The following IL10RA variants were observed in gnomAD, a reference collection of about 807,000 sequenced individuals.
The protein encoded by IL10RA is interleukin-10 receptor subunit alpha.
IL10RA carries 18 observed loss-of-function variants against 29.6 expected under a neutral mutation model. The ratio of observed to expected loss-of-function variants is 0.61; its 90% CI spans 0.42 to 0.90. The LOEUF is 0.90. Ranked by LOEUF, IL10RA falls within the 40% of genes least tolerant of loss-of-function variation. The pLI is 0.00. For synonymous variants in IL10RA, 292 were observed against 294.1 expected (o/e 0.99, Z 0.07); for missense variants, 634 against 716.6 (o/e 0.88, Z 1.32).
At chr11:117,996,174 A>G (rs1419287264) in intron 6 of IL10RA, among the ~76,000 whole-genome samples, 1 of 152,166 alleles carries the variant, frequency 6.6e-6, no homozygotes, top group Non-Finnish European at 1.5e-5. Context: ...GTGTTCCACA[A>G]GAGAGAAAGA....
Position 118,000,127 on chromosome 11 carries a change from T to C in IL10RA, c.*486T>C, listed in dbSNP as rs1389730151. The stretch of plus-strand genomic sequence containing the variant: ...AGGGCCTTGCTGCTGGGGTCATTTT[T>C]AGGGGAAAAAGGAGGATATGATGGT... On this transcript the variant is annotated 3_prime_UTR_variant, in exon 7 of 7. Coordinates refer to ENST00000227752, the MANE Select transcript of IL10RA (RefSeq NM_001558.4). 1 of 454,832 alleles carries C rather than the reference T, an allele frequency of 2.2e-6. No individual in the cohort carries two copies. The highest frequency in any genetic ancestry group is 4.4e-6 in the Non-Finnish European group (1 of 227,448). The allele number at this position is 454,832 out of a possible 1,614,324, so 28.2% of individuals were successfully genotyped here.
At position 117,988,638 on chromosome 11, in the gene IL10RA, C is replaced by G. The variant is rs562335722; in HGVS notation, c.188+136C>G. 5.1e-6 allele frequency: 5 copies of G among 980,572 alleles called. No individual in the cohort carries two copies. In the East Asian group the frequency reaches 1.0e-4, roughly 20 times the overall value. 60.7% of individuals were successfully genotyped at this position (980,572 alleles called of 1,614,324 possible). On this transcript the variant is annotated intron_variant, in intron 2 of 6. Transcript: ENST00000227752. ...CCCCTAACACATAGCCAGCAGTTGACAAGTACTGACTGAGACTCCCTTGCT... is the reference window on the plus strand; with the variant it reads ...CCCCTAACACATAGCCAGCAGTTGAGAAGTACTGACTGAGACTCCCTTGCT...
At chr11:117,991,971 A>G (rs1483538809) in intron 3 of IL10RA, among the ~76,000 whole-genome samples, 2 of 152,008 alleles carry the variant, frequency 1.3e-5, no homozygotes, top group Non-Finnish European at 2.9e-5. Flanking sequence ...CTGACCTCAA[A>G]TGATCCACCC....
rs200324449 is a variant in IL10RA at position 117,988,347 on chromosome 11, C to G, written c.68-35C>G. Reference sequence around the variant, plus strand: ...ATTGGGGTCATCAATGCCTGCCCCCCCTCCCAGCTGTGGTACTGACACTCT... The same window carrying G: ...ATTGGGGTCATCAATGCCTGCCCCCGCTCCCAGCTGTGGTACTGACACTCT... On this transcript the variant is annotated intron_variant, in intron 1 of 6. Coordinates refer to ENST00000227752, the MANE Select transcript of IL10RA (RefSeq NM_001558.4). 1.0e-3 allele frequency: 1,626 copies of G among 1,613,664 alleles called. 7 individuals are homozygous for G. The highest frequency in any genetic ancestry group is 2.0e-3 in the Admixed American group (118 of 60,020).
At chr11:117,990,353 T>G (rs1222450209) in intron 3 of IL10RA, among the ~76,000 whole-genome samples, 1 of 16,350 alleles carries the variant, frequency 6.1e-5, no homozygotes, top group Non-Finnish European at 1.2e-4. Context: ...GGCATCTGTA[T>G]TTTTTTTTTT....
At chr11:117,997,524 T>A (rs1176477900) in intron 6 of IL10RA, among the ~76,000 whole-genome samples, 1 of 152,176 alleles carries the variant, frequency 6.6e-6, no homozygotes, top group Non-Finnish European at 1.5e-5. Context: ...ACTCAACCAA[T>A]AAGAGCTGCA....
chr11:117,995,143 T>C (rs1016123374), intron 5 of IL10RA: 3 of 228,016 alleles, frequency 1.3e-5, no homozygotes, highest in Non-Finnish European at 2.7e-5. Flanking sequence ...TCTGATGGTA[T>C]TGGTACATGG....
rs2058074535 is a variant in IL10RA, at chr11:117,999,002, T to C, written c.1098T>C (p.Asn366=). The C allele has an allele frequency of 6.2e-7, 1 of 1,613,556 alleles. No homozygotes were observed. The highest frequency in any genetic ancestry group is 1.1e-5 in the South Asian group (1 of 91,082). ...LGDSCSSGSS[N]STDSGICLQE... Reference sequence around the variant, plus strand: ...ACAGCTGCAGTAGTGGCAGCAGCAATAGCACAGACAGCGGGATCTGCCTGC... The same window carrying C: ...ACAGCTGCAGTAGTGGCAGCAGCAACAGCACAGACAGCGGGATCTGCCTGC... Residue 366 remains asparagine, a synonymous_variant, in exon 7 of 7, where the codon AAT becomes AAC. Coordinates refer to ENST00000227752, the MANE Select transcript of IL10RA (RefSeq NM_001558.4).
Position 117,993,417 on chromosome 11 carries a change from G to T in IL10RA, c.537+7G>T. The T allele has an allele frequency of 1.2e-6, 2 of 1,613,290 alleles. No individual in the cohort carries two copies. The highest frequency in any genetic ancestry group is 1.7e-6 in the Non-Finnish European group (2 of 1,179,326). Reference sequence around the variant, plus strand: ...GGTGCCGGGAAACTTCACGGTATGGGGTTCCCCAAGGCCCCAGGGCCAGAA... The same window carrying T: ...GGTGCCGGGAAACTTCACGGTATGGTGTTCCCCAAGGCCCCAGGGCCAGAA... On this transcript the variant is annotated splice_region_variant and intron_variant, in intron 4 of 6. Transcript: ENST00000227752.
rs186466159 is a variant in IL10RA, at chr11:117,988,535, G to A, written c.188+33G>A. 3.9e-4 allele frequency: 633 copies of A among 1,611,994 alleles called. 3 individuals carry two copies. The African/African-American group carries it at 7.6e-3, about 19-fold the overall frequency. On this transcript the variant is annotated intron_variant, in intron 2 of 6. Coordinates refer to ENST00000227752, the MANE Select transcript of IL10RA (RefSeq NM_001558.4). ...AAAGGGAAGAGGGAGGGGGAGGGAG[G>A]AGTGAATCCCCGCCTTGTCCTCTAC...
rs1311883242 is a variant in IL10RA at position 117,998,695 on chromosome 11, C to T, written c.811-20C>T. ...TGGAAGGTGACTCCTGCTTCTCTCA[C>T]TCTGCCCTCTCTTCCCCAGCTCTTC... On this transcript the variant is annotated intron_variant, in intron 6 of 6. Transcript: ENST00000227752. 1 of 1,611,886 alleles carries T rather than the reference C, an allele frequency of 6.2e-7. No individual in the cohort carries two copies. The highest frequency in any genetic ancestry group is 1.3e-5 in the African/African-American group (1 of 75,014).
Position 117,995,704 on chromosome 11 carries a change from T to C in IL10RA, c.804T>C (p.Ser268=), listed in dbSNP as rs139791763. The C allele has an allele frequency of 5.9e-5, 95 of 1,613,452 alleles. No individual in the cohort carries two copies. The African/African-American group carries it at 1.0e-3, about 17-fold the overall frequency. ...TGCGGCGCCGAAAGAAGCTACCCAG[T>C]GTCCTGGTGAGTCTTGCAAGGAGGT... is the stretch of plus-strand genomic sequence containing the variant. The part of the protein sequence containing the change: ...LYVRRRKKLP[S]VLLFKKPSPF... Residue 268 remains serine, a synonymous_variant, in exon 6 of 7, where the codon AGT becomes AGC. Transcript: ENST00000227752.
intron 4 of IL10RA, 46 bp from the exon 5 acceptor site, chr11:117,993,953 C>A: frequency 6.4e-7 from 1 of 1,566,938 alleles, no homozygotes; most frequent in Non-Finnish European, 8.8e-7. Context: ...TGTCCGTGTG[C>A]CATGAAATAA....
intron 3 of IL10RA, among the ~76,000 whole-genome samples, chr11:117,991,944 A>G (rs2058025263): frequency 6.6e-6 from 1 of 152,158 alleles, no homozygotes; most frequent in South Asian, 2.1e-4. Context: ...CATGTTGGCC[A>G]GGCTGGTCTC....
At chr11:117,993,936 C>T (rs1425213747) in intron 4 of IL10RA, 63 bp from the exon 5 acceptor site, 4 of 1,474,092 alleles carry the variant, frequency 2.7e-6, no homozygotes, top group Non-Finnish European at 3.8e-6. Flanking sequence ...GGCCCACCAG[C>T]TCTCAGTGTC....
In IL10RA at chr11:117,999,177, C is replaced by T. The variant is rs201689430; in HGVS notation, c.1273C>T (p.His425Tyr). ...DTQGGSALGH[H>Y]SPPEPEVPGE... Reference sequence around the variant, plus strand: ...ACAGGGTGGCTCGGCCTTGGGCCACCACAGTCCCCCGGAGCCTGAGGTGCC... The same window carrying T: ...ACAGGGTGGCTCGGCCTTGGGCCACTACAGTCCCCCGGAGCCTGAGGTGCC... The change falls in exon 7 of 7, where the codon CAC becomes TAC. Residue 425 changes from histidine to tyrosine, a missense_variant. Coordinates refer to ENST00000227752, the MANE Select transcript of IL10RA (RefSeq NM_001558.4). 8 of 1,614,066 alleles carry T rather than the reference C, an allele frequency of 5.0e-6. No homozygotes were observed. Among genetic ancestry groups the T allele is most frequent in the Non-Finnish European group, 6.8e-6 (8 of 1,180,022 alleles).
chr11:117,989,640 T>G lies in IL10RA; in HGVS notation c.367+20T>G, dbSNP rs2058009660. 6.2e-7 allele frequency: 1 copy of G among 1,611,822 alleles called. No homozygotes were observed. The highest frequency in any genetic ancestry group is 8.5e-7 in the Non-Finnish European group (1 of 1,179,034). On this transcript the variant is annotated intron_variant, in intron 3 of 6. Coordinates refer to ENST00000227752, the MANE Select transcript of IL10RA (RefSeq NM_001558.4). This position sits in a 1 kb window ranked among gnomAD's most constrained non-coding sequence, Gnocchi z 4.5. Reference sequence around the variant, plus strand: ...ATGAAGGTGCTTTTCCTCCCTTGACTTAGAACATGGCTCTGAAGTCCCTTC... The same window carrying G: ...ATGAAGGTGCTTTTCCTCCCTTGACGTAGAACATGGCTCTGAAGTCCCTTC...
Position 118,001,366 on chromosome 11 carries a change from A to G in IL10RA, c.*1725A>G, listed in dbSNP as rs1319462171. On this transcript the variant is annotated 3_prime_UTR_variant, in exon 7 of 7. Coordinates refer to ENST00000227752, the MANE Select transcript of IL10RA (RefSeq NM_001558.4). ...CTGCAGAATAATGACTGACTTGTCT[A>G]ATTCGTAGGGATGTGAGGTTCTGCT... 2.2e-6 allele frequency: 1 copy of G among 454,200 alleles called. No homozygotes were observed. The highest frequency in any genetic ancestry group is 4.4e-6 in the Non-Finnish European group (1 of 226,782). 28.1% of individuals were successfully genotyped at this position (454,200 alleles called of 1,614,324 possible).
At position 117,994,109 on chromosome 11, in the gene IL10RA, G is replaced by C. The variant is rs749400114; in HGVS notation, c.648G>C (p.Gly216=). Residue 216 remains glycine, a synonymous_variant, in exon 5 of 7, where the codon GGG becomes GGC. Coordinates refer to ENST00000227752, the MANE Select transcript of IL10RA (RefSeq NM_001558.4). ...CTGTCGCTTCCCGAAGTAACAAGGG[G>C]ATGTGGTCTAAAGAGGAGTGCATCT... is the stretch of plus-strand genomic sequence containing the variant. ...KPSVASRSNK[G]MWSKEECISL... is the part of the protein sequence containing the mutation. 2 of 1,614,202 alleles carry C rather than the reference G, an allele frequency of 1.2e-6. No homozygotes were observed. The highest frequency in any genetic ancestry group is 1.7e-6 in the Non-Finnish European group (2 of 1,180,030).
Sources: gnomAD v4.1 joint callset for allele counts (sites outside exome capture counted in the v4.1 genomes callset) on GRCh38, gnomAD v4.1.1 for gene constraint, Gnocchi (gnomAD v3.1) non-coding constraint, MANE v1.5 for transcripts, NCBI Gene and HGNC (gene_info 2026-07-23, HGNC 2026-07-21) for gene names.